Variants in CEP295 observed in about 807,000 individuals in gnomAD.
CEP295 encodes the protein centrosomal protein 295.
Under a neutral mutation model 291.6 loss-of-function variants are expected in CEP295, and 190 were observed. That is an observed-to-expected ratio of 0.65 (90% confidence interval 0.58 to 0.73). CEP295 has a LOEUF of 0.73. Among genes scored for constraint, CEP295 ranks in the 30% least tolerant of loss-of-function variants. CEP295 has a pLI of 0.00. For synonymous variants in CEP295, 993 were observed against 1,038.8 expected (o/e 0.96, Z 0.85); for missense variants, 2,863 against 2,949.4 (o/e 0.97, Z 0.68).
rs1335928261 is a variant in CEP295, at chr11:93,700,153, A to G, written c.5241A>G (p.Glu1747=). 5 of 1,550,262 alleles carry G rather than the reference A, an allele frequency of 3.2e-6. No homozygotes were observed. In the South Asian group the frequency reaches 6.0e-5, roughly 19 times the overall value. The change falls in exon 15 of 30, where the codon GAA becomes GAG. Residue 1747 remains glutamate (E), a synonymous_variant. Transcript: ENST00000325212. ...TGCAGCAGCAGATACAGAAACATGA[A>G]GAGACTTTGAAGGATTTCTTTAAAG... ...TALQQQIQKH[E]ETLKDFFKDS...
At chr11:93,670,731 A>T (rs1271267660) in intron 5 of CEP295, among the ~76,000 whole-genome samples, 1 of 152,190 alleles carries the variant, frequency 6.6e-6, no homozygotes, top group Admixed American at 6.5e-5. Context: ...ACATGATAAA[A>T]GCCAGGCAAT....
At chr11:93,713,472 T>C (rs1010295042) in intron 18 of CEP295, among the ~76,000 whole-genome samples, 2 of 152,212 alleles carry the variant, frequency 1.3e-5, no homozygotes, top group Middle Eastern at 3.2e-3. Flanking sequence ...ATCCGCACTT[T>C]TAATGTGTCA....
At chr11:93,684,811 G>A (rs1220133851) in intron 9 of CEP295, among the ~76,000 whole-genome samples, 1 of 152,086 alleles carries the variant, frequency 6.6e-6, no homozygotes, top group Non-Finnish European at 1.5e-5. Context: ...TCTTGAACCT[G>A]GTGCCATCCC....
intron 18 of CEP295, among the ~76,000 whole-genome samples, chr11:93,708,739 A>C (rs533701573): frequency 1.3e-5 from 2 of 152,194 alleles, no homozygotes; most frequent in African/African-American, 4.8e-5. Flanking sequence ...ACTGCTCTTC[A>C]TAGTGGCTGT....
intron 6 of CEP295, among the ~76,000 whole-genome samples, chr11:93,679,056 C>T (rs1172851275): frequency 6.6e-6 from 1 of 152,052 alleles, no homozygotes. Context: ...AGAGTTTCAC[C>T]GTGTTGGACA....
chr11:93,696,388 C>A lies in CEP295; in HGVS notation c.1740C>A (p.Asn580Lys). 1 of 1,548,898 alleles carries A rather than the reference C, an allele frequency of 6.5e-7. No individual in the cohort carries two copies. Among genetic ancestry groups the A allele is most frequent in the Non-Finnish European group, 8.7e-7 (1 of 1,144,674 alleles). Residue 580 changes from asparagine (N) to lysine (K), a missense_variant, in exon 14 of 30, where the codon AAC becomes AAA. This residue lies in a region of CEP295 where 2,295 missense variants were observed against 2,335.7 expected (regional missense o/e 0.98). Coordinates refer to ENST00000325212, the MANE Select transcript of CEP295 (RefSeq NM_033395.2). ...ATAGTCATAGGCAGATGATTCGTAA[C>A]TATCAACATCAGCTTTTACAACAAA... ...DEDSHRQMIRNYQHQLLQQNR... is the reference protein window; with the variant it reads ...DEDSHRQMIRKYQHQLLQQNR...
chr11:93,673,784 C>T (rs10831087), intron 5 of CEP295, among the ~76,000 whole-genome samples: 146,360 of 152,198 alleles, frequency 0.96, 70,635 homozygotes, highest in South Asian at 1. Flanking sequence ...TGAGCCACAA[C>T]GCCTGGCCGC....
intron 7 of CEP295, among the ~76,000 whole-genome samples, chr11:93,680,786 T>G (rs1399330594): frequency 6.6e-6 from 1 of 152,240 alleles, no homozygotes; most frequent in East Asian, 1.9e-4. Flanking sequence ...AAATGATTCA[T>G]CTTATTAGAA....
At chr11:93,707,831 T>C (rs1298036674) in intron 18 of CEP295, among the ~76,000 whole-genome samples, 1 of 152,178 alleles carries the variant, frequency 6.6e-6, no homozygotes, top group East Asian at 1.9e-4. Flanking sequence ...TAAGATAATT[T>C]ACTTGTATCT....
chr11:93,726,646 C>G (rs1268100692), intron 23 of CEP295: 1 of 186,442 alleles, frequency 5.4e-6, no homozygotes, highest in African/African-American at 2.4e-5. Context: ...TATATATACA[C>G]ACATGGATAA....
In CEP295 at chr11:93,668,525, C is replaced by G. The variant is rs12277652; in HGVS notation, c.310-283C>G. On this transcript the variant is annotated intron_variant, in intron 3 of 29. Coordinates refer to ENST00000325212, the MANE Select transcript of CEP295 (RefSeq NM_033395.2). ...GCCCTGACTGGGAAACTACCCATATCACTATATATTTTACGTACTTTAACC... is the reference window on the plus strand; with the variant it reads ...GCCCTGACTGGGAAACTACCCATATGACTATATATTTTACGTACTTTAACC... Among the ~76,000 whole-genome samples the G allele has an allele frequency of 6.4e-3, 980 of 152,228 alleles. 16 individuals carry two copies. The highest frequency in any genetic ancestry group is 0.02 in the African/African-American group (828 of 41,554).
intron 12 of CEP295, among the ~76,000 whole-genome samples, chr11:93,692,775 C>A (rs577081140): frequency 6.4e-4 from 96 of 149,696 alleles, no homozygotes; most frequent in Admixed American, 5.8e-3. Context: ...GAGTTTGAGA[C>A]CCACCTGGCC....
In CEP295 at chr11:93,673,964, T is replaced by TC. The variant is rs1950567879; in HGVS notation, c.529-1606dup. On this transcript the variant is annotated intron_variant, in intron 5 of 29. Coordinates refer to ENST00000325212, the MANE Select transcript of CEP295 (RefSeq NM_033395.2). ...TTAATCCCCCCTTCTTTTTTTTTTTTCTTTTTGAGACAGATTCTTGCTCTG... is the reference window on the plus strand; with the variant it reads ...TTAATCCCCCCTTCTTTTTTTTTTTTCCTTTTTGAGACAGATTCTTGCTCTG... Among the ~76,000 whole-genome samples, 8 of 149,506 alleles carry TC rather than the reference T, an allele frequency of 5.4e-5. No homozygotes were observed. In the South Asian group the frequency reaches 1.7e-3, roughly 32 times the overall value.
At chr11:93,672,681 G>A (rs1415190726) in intron 5 of CEP295, among the ~76,000 whole-genome samples, 1 of 152,166 alleles carries the variant, frequency 6.6e-6, no homozygotes, top group African/African-American at 2.4e-5. Flanking sequence ...GATAAGGCTA[G>A]AAATAGTTAC....
chr11:93,714,596 C>T (rs554123179), intron 18 of CEP295, among the ~76,000 whole-genome samples: 4 of 152,286 alleles, frequency 2.6e-5, no homozygotes, highest in East Asian at 1.9e-4. Flanking sequence ...CTTGCTTGTA[C>T]CCATCCTTCT....
intron 1 of CEP295, among the ~76,000 whole-genome samples, chr11:93,666,149 A>G (rs1454940764): frequency 6.6e-6 from 1 of 152,230 alleles, no homozygotes; most frequent in African/African-American, 2.4e-5. Context: ...ATTCTGATTC[A>G]GTCTTCATTT....
chr11:93,670,442 C>T (rs1281413241), intron 5 of CEP295, among the ~76,000 whole-genome samples: 1 of 152,016 alleles, frequency 6.6e-6, no homozygotes, highest in Non-Finnish European at 1.5e-5. Context: ...TACTTGTTCT[C>T]CACATTAGCT....
chr11:93,700,592 A>C (rs1952095042), intron 15 of CEP295, among the ~76,000 whole-genome samples: 1 of 151,176 alleles, frequency 6.6e-6, no homozygotes, highest in South Asian at 2.1e-4. Context: ...TGCCTGGCTA[A>C]ATTTTGTATT....
At chr11:93,725,860 A>C in intron 23 of CEP295, 29 bp downstream of exon 23, 1 of 1,529,214 alleles carries the variant, frequency 6.5e-7, no homozygotes, top group Non-Finnish European at 8.9e-7. Flanking sequence ...GAAAAAGTTA[A>C]TTTTTCCATG....
Sources: gnomAD v4.1 joint callset for allele counts (sites outside exome capture counted in the v4.1 genomes callset) on GRCh38, gnomAD v4.1.1 for gene constraint, gnomAD v4.1.1 regional missense constraint, MANE v1.5 for transcripts, NCBI Gene and HGNC (gene_info 2026-07-23, HGNC 2026-07-21) for gene names.